Variants in GRIFIN observed in about 807,000 individuals in gnomAD.
GRIFIN encodes the protein galectin-related inter-fiber protein.
GRIFIN carries 22 observed loss-of-function variants against 18.2 expected under a neutral mutation model. The ratio of observed to expected loss-of-function variants is 1.21; its 90% CI spans 0.86 to 1.73. The LOEUF (loss-of-function observed/expected upper bound fraction) is 1.73, where lower values mean the gene tolerates loss of function less well. GRIFIN is among the 40% of genes most tolerant of loss of function. The pLI, the probability that GRIFIN is intolerant of heterozygous loss-of-function variation, is 0.00. For synonymous variants in GRIFIN, 101 were observed against 82.8 expected, an observed-to-expected ratio of 1.22 and a Z score of -1.19; for missense variants, 200 against 190.1, an observed-to-expected ratio of 1.05 and a Z score of -0.31.
At chr7:2,476,220 TG>T (rs1778961573) in intron 1 of GRIFIN, 151 bp downstream of exon 1, 2 of 510,006 alleles carry the variant, frequency 3.9e-6, no homozygotes, top group Non-Finnish European at 5.1e-6. Flanking sequence ...AGGCCAGCTC[TG>T]GGGGGACCTT....
At chr7:2,475,394 C>T (rs1045749247) in intron 3 of GRIFIN, 87 bp from the exon 4 acceptor site, 8 of 1,465,938 alleles carry the variant, frequency 5.5e-6, no homozygotes, top group South Asian at 3.9e-5. Context: ...GCCTGCCGGC[C>T]GTCTCCAGGA....
rs779697802 is a variant in GRIFIN, at chr7:2,475,152, G to A, written c.408C>T (p.Gly136=). Residue 136 remains glycine (G), a synonymous_variant, in exon 4 of 5, where the codon GGC becomes GGT. Coordinates refer to ENST00000614228, the MANE Select transcript of GRIFIN (RefSeq NM_001394787.1). ...GGCAGGGACTTTACCCCCAGCTCAG[G>A]CCCCTCTTGGCCAGCTCCACCTGGG... ...CLAQVELAKR[G]LSWGDRGY The A allele has an allele frequency of 6.3e-7, 1 of 1,584,222 alleles. No individual in the cohort carries two copies. The highest frequency in any genetic ancestry group is 2.3e-5 in the East Asian group (1 of 44,126).
chr7:2,476,380 C>T lies in GRIFIN; in HGVS notation c.4G>A (p.Ala2Thr). 1.3e-6 allele frequency: 2 copies of T among 1,578,516 alleles called. No homozygotes were observed. The highest frequency in any genetic ancestry group is 8.5e-7 in the Non-Finnish European group (1 of 1,171,366). Residue 2 changes from alanine (A) to threonine (T), a missense_variant, in exon 1 of 5, where the codon GCA becomes ACA. Ala to Thr is a moderately conservative substitution (Grantham distance 58, BLOSUM62 0). Transcript: ENST00000614228. ...TCCAGGGTCTCACCCACCTGCACTG[C>T]CATCTGCTCCCAGCCACTGTGGGAG... MAVQSKAFCAGG... is the reference protein window; with the variant it reads MTVQSKAFCAGG...
Position 2,475,205 on chromosome 7 carries a change from C to A in GRIFIN, c.355G>T (p.Val119Leu). ...RQRPLGATTR[V>L]RVLSDHCLAQ... ...AGGCAGTGGTCACTCAGCACGCGCA[C>A]CCTGGTGGTGGCGCCCAGCGGCCTC... Residue 119 changes from valine to leucine, a missense_variant, in exon 4 of 5, where the codon GTG becomes TTG. Physicochemically the swap from Val to Leu is conservative, Grantham distance 32. Transcript: ENST00000614228. 3 of 1,595,988 alleles carry A rather than the reference C, an allele frequency of 1.9e-6. No individual in the cohort carries two copies. The highest frequency in any genetic ancestry group is 1.7e-4 in the Middle Eastern group (1 of 5,926).
intron 3 of GRIFIN, 74 bp downstream of exon 3, chr7:2,475,595 C>T (rs1221684142): frequency 1.2e-5 from 17 of 1,430,572 alleles, no homozygotes; most frequent in Non-Finnish European, 1.4e-5. Context: ...CACCGTGAAC[C>T]CGCTGCCCAC....
chr7:2,475,133 G>T lies in GRIFIN; in HGVS notation c.419+8C>A. On this transcript the variant is annotated splice_region_variant and intron_variant, in intron 4 of 4. Transcript: ENST00000614228. ...GGGCAGGGACCTGGGTAGAGGCAGG[G>T]ACTTTACCCCCAGCTCAGGCCCCTC... The T allele has an allele frequency of 6.4e-7, 1 of 1,574,036 alleles. No homozygotes were observed. Among genetic ancestry groups the T allele is most frequent in the Non-Finnish European group, 8.6e-7 (1 of 1,167,966 alleles).
rs1373699743 is a variant in GRIFIN at position 2,475,690 on chromosome 7, C to A, written c.231G>T (p.Leu77=). Residue 77 remains leucine (L), a synonymous_variant, in exon 3 of 5, where the codon CTG becomes CTT. Transcript: ENST00000614228. ...TCACCTCAAAGGGCTCCCCCGGGGC[C>A]AGCGGGAAGATGCTAGACACCTGCT... ...GPEQVSSIFP[L]APGEPFEIEV... is the part of the protein sequence containing the mutation. The A allele has an allele frequency of 3.9e-6, 6 of 1,525,308 alleles. No homozygotes were observed. The African/African-American group carries it at 8.2e-5, about 21-fold the overall frequency. 94.5% of individuals were successfully genotyped at this position (1,525,308 alleles called of 1,614,324 possible). A position where few individuals can be genotyped will look rare whatever the true frequency, so the allele number is the denominator to read the frequency against.
At chr7:2,475,499 G>T in intron 3 of GRIFIN, 170 bp downstream of exon 3, 1 of 1,162,754 alleles carries the variant, frequency 8.6e-7, no homozygotes, top group Non-Finnish European at 1.2e-6. Context: ...GGTAGCCAGG[G>T]TGGTGGGTAC....
chr7:2,475,326 G>T lies in GRIFIN; in HGVS notation c.253-19C>A. ...CCTCTATCTGGGCAGGCTGGGGCCA[G>T]TGACCTCAGTGCCAGCCCCCAGGGC... On this transcript the variant is annotated intron_variant, in intron 3 of 4. Transcript: ENST00000614228. The T allele has an allele frequency of 6.3e-7, 1 of 1,581,270 alleles. No homozygotes were observed. Among genetic ancestry groups the T allele is most frequent in the Admixed American group, 1.7e-5 (1 of 57,592 alleles).
chr7:2,475,343 C>T (rs746468485), intron 3 of GRIFIN, 36 bp from the exon 4 acceptor site: 90 of 1,564,944 alleles, frequency 5.8e-5, no homozygotes, highest in Middle Eastern at 5.0e-4. Flanking sequence ...CAGTGCCAGC[C>T]CCCAGGGCCT....
At chr7:2,476,070 C>G (rs1778959834) in intron 1 of GRIFIN, 71 bp from the exon 2 acceptor site, 1 of 1,300,980 alleles carries the variant, frequency 7.7e-7, no homozygotes, top group Non-Finnish European at 1.1e-6. Flanking sequence ...CACCCCCACC[C>G]TATCCCATCT....
chr7:2,475,000 G>T, intron 4 of GRIFIN, 115 bp from the exon 5 acceptor site: 2 of 956,184 alleles, frequency 2.1e-6, no homozygotes, highest in South Asian at 1.6e-5. Context: ...GCAGGGAGAG[G>T]AGCAGGGTGG....
At position 2,475,093 on chromosome 7, in the gene GRIFIN, G is replaced by A. The variant is rs1477876599; in HGVS notation, c.419+48C>T. 2.6e-6 allele frequency: 4 copies of A among 1,532,172 alleles called. No homozygotes were observed. The African/African-American group carries it at 5.5e-5, about 21-fold the overall frequency. The allele number at this position is 1,532,172 out of a possible 1,614,324, so 94.9% of individuals were successfully genotyped here. On this transcript the variant is annotated intron_variant, in intron 4 of 4. Transcript: ENST00000614228. ...AGCAAAATCCCTGCTGGGGTGGGCA[G>A]TGTGGGGCAGGAATGGGCAGGGACC...
Position 2,475,811 on chromosome 7 carries a change from A to T in GRIFIN, c.110T>A (p.Leu37Ter). The part of the protein sequence containing the change: ...SGEDRFETNF[L>*]LETGDIAFHI... ...GAAGGCAATGTCCCCCGTCTCCAAC[A>T]AGAAGTTAGTCTCGAACCTGGGGCG... is the stretch of plus-strand genomic sequence containing the variant. Residue 37 changes from leucine (L) to a stop codon, truncating the protein, a stop_gained, in exon 3 of 5, where the codon TTG (leucine) becomes TAG (stop). Coordinates refer to ENST00000614228, the MANE Select transcript of GRIFIN (RefSeq NM_001394787.1). LOFTEE classifies it high-confidence loss of function. 6.4e-7 allele frequency: 1 copy of T among 1,573,426 alleles called. No individual in the cohort carries two copies. Among genetic ancestry groups the T allele is most frequent in the Non-Finnish European group, 8.6e-7 (1 of 1,161,068 alleles).
chr7:2,475,725 A>G lies in GRIFIN; in HGVS notation c.196T>C (p.Trp66Arg), dbSNP rs1583249471. The G allele has an allele frequency of 1.3e-6, 2 of 1,554,228 alleles. No individual in the cohort carries two copies. Among genetic ancestry groups the G allele is most frequent in the Non-Finnish European group, 8.7e-7 (1 of 1,154,984 alleles). ...VVGNAFQYGR[W>R]GPEQVSSIFP... is the part of the protein sequence containing the mutation. ...ATGCTAGACACCTGCTCCGGGCCCC[A>G]GCGGCCGTACTGGAAGGCATTGCCC... is the stretch of plus-strand genomic sequence containing the variant. Residue 66 changes from tryptophan (W) to arginine (R), a missense_variant, in exon 3 of 5, where the codon TGG becomes CGG. Physicochemically the swap from Trp to Arg is moderately radical, Grantham distance 101 (BLOSUM62 -3). Transcript: ENST00000614228.
Position 2,475,913 on chromosome 7 carries a change from C to A in GRIFIN, c.92+7G>T. ...AGGCCCAGCGAGGGGAGGGCGGTGC[C>A]GCTGACCTGTCCTCTCCAGAGTCAG... On this transcript the variant is annotated splice_region_variant and intron_variant, in intron 2 of 4. Transcript: ENST00000614228. The A allele has an allele frequency of 6.3e-7, 1 of 1,597,874 alleles. No homozygotes were observed. Among genetic ancestry groups the A allele is most frequent in the Non-Finnish European group, 8.5e-7 (1 of 1,179,346 alleles).
rs768739592 is a variant in GRIFIN, at chr7:2,475,966, C to T, written c.46G>A (p.Gly16Ser). Reference protein sequence around the residue: ...KAFCAGGLAPGWKLLVQGHAD... With the variant: ...KAFCAGGLAPSWKLLVQGHAD... Reference sequence around the variant, plus strand: ...TGTCCCTGGACCAGCAGCTTCCAGCCGGGGGCCAGGCCGCCCGCACAGAAG... The same window carrying T: ...TGTCCCTGGACCAGCAGCTTCCAGCTGGGGGCCAGGCCGCCCGCACAGAAG... The change falls in exon 2 of 5, where the codon GGC (glycine) becomes AGC (serine). Residue 16 changes from glycine to serine, a missense_variant. Coordinates refer to ENST00000614228, the MANE Select transcript of GRIFIN (RefSeq NM_001394787.1). 1.4e-5 allele frequency: 22 copies of T among 1,598,050 alleles called. No homozygotes were observed. Among genetic ancestry groups the T allele is most frequent in the African/African-American group, 9.3e-5 (7 of 74,892 alleles).
chr7:2,476,014 C>T lies in GRIFIN; in HGVS notation c.13-15G>A. ...AAGGCTTTAGACTGAGTGGAAGAGA[C>T]AGGGGGACCAGCCTCATGGGGCTGC... On this transcript the variant is annotated splice_polypyrimidine_tract_variant and intron_variant, in intron 1 of 4. Transcript: ENST00000614228. 3 of 1,594,390 alleles carry T rather than the reference C, an allele frequency of 1.9e-6. No homozygotes were observed. Among genetic ancestry groups the T allele is most frequent in the Non-Finnish European group, 2.5e-6 (3 of 1,177,620 alleles).
At position 2,475,753 on chromosome 7, in the gene GRIFIN, C is replaced by T; in HGVS notation, c.168G>A (p.Val56=). ...GGCCGTACTGGAAGGCATTGCCCAC[C>T]ACAGTGGCGCTGGAGAACCGGGGCT... ...HIKPRFSSAT[V]VGNAFQYGRW... The change falls in exon 3 of 5, where the codon GTG becomes GTA. Residue 56 remains valine, a synonymous_variant. Coordinates refer to ENST00000614228, the MANE Select transcript of GRIFIN (RefSeq NM_001394787.1). 6.4e-7 allele frequency: 1 copy of T among 1,568,622 alleles called. No individual in the cohort carries two copies. Among genetic ancestry groups the T allele is most frequent in the Non-Finnish European group, 8.6e-7 (1 of 1,161,810 alleles).
Sources: allele counts gnomAD v4.1 joint callset, GRCh38; gene constraint gnomAD v4.1.1; transcripts MANE v1.5; gene names NCBI Gene and HGNC (gene_info 2026-07-23, HGNC 2026-07-21).